The following FILIP1L variants were observed in gnomAD, a reference collection of about 807,000 sequenced individuals.
FILIP1L encodes filamin A interacting protein 1 like.
A neutral mutation model predicts 96.6 loss-of-function variants in FILIP1L; 55 were observed. The observed-to-expected ratio is 0.57, with a 90% CI of 0.46 to 0.71. The LOEUF is 0.71. FILIP1L is among the 30% of genes least tolerant of loss of function. The pLI, the probability that FILIP1L is intolerant of heterozygous loss-of-function variation, is 0.00. For missense variants in FILIP1L, 1,304 were observed against 1,321.2 expected (o/e 0.99, Z 0.20); for synonymous variants, 467 against 473.9 (o/e 0.99, Z 0.19).
At chr3:100,042,351 G>A (rs931982626) in intron 1 of FILIP1L, among the ~76,000 whole-genome samples, 3 of 151,916 alleles carry the variant, frequency 2.0e-5, no homozygotes, top group Non-Finnish European at 2.9e-5. Context: ...AAAAACATTG[G>A]CTCTGTGACC....
chr3:100,085,392 A>G (rs1056675705), intron 1 of FILIP1L, among the ~76,000 whole-genome samples: 2 of 152,126 alleles, frequency 1.3e-5, no homozygotes, highest in African/African-American at 4.8e-5. Context: ...ACTGACTTTT[A>G]CTATAATAGC....
chr3:100,020,653 T>G (rs1414941903), intron 1 of FILIP1L, among the ~76,000 whole-genome samples: 4 of 152,140 alleles, frequency 2.6e-5, no homozygotes, highest in Admixed American at 2.6e-4. Flanking sequence ...CTTAAAGTTC[T>G]TAAAAAGTGT....
rs914401098 is a variant in FILIP1L at position 99,952,847 on chromosome 3, C to G, written c.-10-21817G>C. On this transcript the variant is annotated intron_variant, in intron 1 of 5. Coordinates refer to ENST00000477258, the MANE Select transcript of FILIP1L (RefSeq NM_001387850.1). ...TGAATTAGTTAAGGATAATTTCAAT[C>G]TTTATATGTTGGATTGTTTTTCTGC... 2.6e-5 allele frequency among the ~76,000 whole-genome samples: 4 copies of G among 152,074 alleles called. No homozygotes were observed. In the South Asian group the frequency reaches 8.3e-4, roughly 32 times the overall value.
chr3:99,994,871 G>A (rs1709629203), intron 1 of FILIP1L, among the ~76,000 whole-genome samples: 1 of 152,162 alleles, frequency 6.6e-6, no homozygotes, highest in Admixed American at 6.5e-5. Context: ...GGGAGAAACT[G>A]CCTTCATGAT....
At chr3:100,010,612 C>CTTT (rs71625546) in intron 1 of FILIP1L, among the ~76,000 whole-genome samples, 3 of 141,474 alleles carry the variant, frequency 2.1e-5, no homozygotes, top group Non-Finnish European at 3.1e-5. Flanking sequence ...GTTTTTCTTT[C>CTTT]TTTTTTTTTT....
In FILIP1L at chr3:99,848,677, G is replaced by A. The variant is rs1285197919; in HGVS notation, c.2999C>T (p.Ser1000Phe). 2 of 1,614,156 alleles carry A rather than the reference G, an allele frequency of 1.2e-6. No homozygotes were observed. The highest frequency in any genetic ancestry group is 1.7e-5 in the Admixed American group (1 of 60,012). The change falls in exon 5 of 6, where the codon TCC becomes TTC. Residue 1000 changes from serine (S) to phenylalanine (F), a missense_variant. Coordinates refer to ENST00000477258, the MANE Select transcript of FILIP1L (RefSeq NM_001387850.1). ...CGSLTPERTMSPIQVLAVTGS... is the reference protein window; with the variant it reads ...CGSLTPERTMFPIQVLAVTGS... ...AGTCACAGCCAAAACCTGAATAGGG[G>A]ACATTGTCCTTTCTGGAGTTAGAGA... is the stretch of plus-strand genomic sequence containing the variant.
chr3:100,049,378 A>G (rs1287173078), intron 1 of FILIP1L, among the ~76,000 whole-genome samples: 1 of 152,178 alleles, frequency 6.6e-6, no homozygotes, highest in Non-Finnish European at 1.5e-5. Flanking sequence ...TGAAGGATTA[A>G]TTTGGGGAGA....
chr3:100,056,775 C>T (rs188149698), intron 1 of FILIP1L, among the ~76,000 whole-genome samples: 7 of 151,906 alleles, frequency 4.6e-5, no homozygotes, highest in Admixed American at 1.3e-4. Context: ...CAAGGCAGGC[C>T]GGGCGGATCA....
intron 1 of FILIP1L, among the ~76,000 whole-genome samples, chr3:99,979,353 G>A (rs1007289991): frequency 1.3e-5 from 2 of 151,962 alleles, no homozygotes; most frequent in Admixed American, 6.6e-5. Context: ...CTGTATATAC[G>A]GCTCAGAGTT....
intron 1 of FILIP1L, among the ~76,000 whole-genome samples, chr3:99,988,349 A>C (rs1312629038): frequency 1.2e-4 from 18 of 149,266 alleles, no homozygotes; most frequent in African/African-American, 3.2e-4. Context: ...TCCAAAAAAA[A>C]AAAAAAAAAA....
In FILIP1L at chr3:99,833,219, C is replaced by A. The variant is rs778534466; in HGVS notation, c.3382-2614G>T. The A allele has an allele frequency of 2.5e-6, 4 of 1,609,828 alleles. No homozygotes were observed. In the Admixed American group the frequency reaches 6.7e-5, roughly 27 times the overall value. ...CTGGGATTTGGAATGCCTTAAAAGT[C>A]TGAAGGATGTTGAGTTCAATGAGGC... is the stretch of plus-strand genomic sequence containing the variant. On this transcript the variant is annotated intron_variant, in intron 5 of 5. Transcript: ENST00000477258.
At chr3:100,077,568 C>T (rs1455320250) in intron 1 of FILIP1L, among the ~76,000 whole-genome samples, 1 of 152,130 alleles carries the variant, frequency 6.6e-6, no homozygotes, top group Non-Finnish European at 1.5e-5. Flanking sequence ...GCAAGATAGC[C>T]TTCATCCCCA....
Position 99,848,310 on chromosome 3 carries a change from T to A in FILIP1L, c.3366A>T (p.Arg1122=). 6.2e-7 allele frequency: 1 copy of A among 1,614,058 alleles called. No individual in the cohort carries two copies. Among genetic ancestry groups the A allele is most frequent in the Non-Finnish European group, 8.5e-7 (1 of 1,179,982 alleles). The change falls in exon 5 of 6, where the codon CGA becomes CGT. Residue 1122 remains arginine, a synonymous_variant. Transcript: ENST00000477258. The part of the protein sequence containing the change: ...TITPTATPLP[R]QSQITIKEVC... ...TATTACTTACTGTAATTTGTGATTG[T>A]CGAGGAAGAGGTGTGGCTGTTGGTG... is the stretch of plus-strand genomic sequence containing the variant.
Position 99,849,891 on chromosome 3 carries a change from C to A in FILIP1L, c.1785G>T (p.Leu595Phe). 6.2e-7 allele frequency: 1 copy of A among 1,611,766 alleles called. No individual in the cohort carries two copies. Among genetic ancestry groups the A allele is most frequent in the African/African-American group, 1.3e-5 (1 of 74,830 alleles). ...VNMLKNRLQS[L>F]EAIEKDFLKN... is the part of the protein sequence containing the mutation. ...TTAGGAAATCTTTCTCAATTGCTTC[C>A]AATGATTGAAGCCTATTTTTCAACA... Residue 595 changes from leucine (L) to phenylalanine (F), a missense_variant, in exon 5 of 6, where the codon TTG becomes TTT. Transcript: ENST00000477258.
At chr3:99,991,697 A>G (rs889469547) in intron 1 of FILIP1L, among the ~76,000 whole-genome samples, 1 of 151,966 alleles carries the variant, frequency 6.6e-6, no homozygotes, top group Non-Finnish European at 1.5e-5. Flanking sequence ...AGGTGAGAAC[A>G]TGCTGTATTT....
At chr3:100,069,108 T>G (rs1386884723) in intron 1 of FILIP1L, among the ~76,000 whole-genome samples, 1 of 152,180 alleles carries the variant, frequency 6.6e-6, no homozygotes, top group African/African-American at 2.4e-5. Context: ...CAAACTAGTT[T>G]TGTTCCATTT....
intron 1 of FILIP1L, among the ~76,000 whole-genome samples, chr3:100,045,686 T>C (rs1347374337): frequency 1.3e-5 from 2 of 152,204 alleles, no homozygotes; most frequent in Non-Finnish European, 2.9e-5. Flanking sequence ...TTGAGAAATA[T>C]CTGTCTAAAT....
intron 1 of FILIP1L, among the ~76,000 whole-genome samples, chr3:99,935,421 T>G (rs1432902142): frequency 6.6e-6 from 1 of 152,192 alleles, no homozygotes; most frequent in Non-Finnish European, 1.5e-5. Context: ...TCTGTGACTG[T>G]CATAACCCTA....
intron 1 of FILIP1L, among the ~76,000 whole-genome samples, chr3:100,070,618 G>GT (rs1212172974): frequency 6.6e-6 from 1 of 151,992 alleles, no homozygotes; most frequent in Non-Finnish European, 1.5e-5. Flanking sequence ...TCATCGTGGG[G>GT]TTTTTTTGTT....
Sources: gnomAD v4.1 joint callset for allele counts (sites outside exome capture counted in the v4.1 genomes callset) on GRCh38, gnomAD v4.1.1 for gene constraint, MANE v1.5 for transcripts, NCBI Gene and HGNC (gene_info 2026-07-23, HGNC 2026-07-21) for gene names.